ASIC2: variants seen among roughly 807,000 people sequenced by gnomAD.
ASIC2 encodes the protein acid sensing ion channel subunit 2, also known as acid-sensing ion channel 2.
In ASIC2, 25 loss-of-function variants were observed where a neutral mutation model predicts 57.3. That is an observed-to-expected ratio of 0.44 (90% CI 0.32 to 0.61). ASIC2 has a LOEUF of 0.61. Ranked by LOEUF, ASIC2 falls within the 20% of genes least tolerant of loss-of-function variation. The pLI is 0.06. For missense variants in ASIC2, 641 were observed against 738.1 expected (o/e 0.87, Z 1.52); for synonymous variants, 319 against 307.5 (o/e 1.04, Z -0.39).
intron 1 of ASIC2, among the ~76,000 whole-genome samples, chr17:33,225,383 G>A (rs1201895714): frequency 6.6e-6 from 1 of 152,198 alleles, no homozygotes; most frequent in East Asian, 1.9e-4. Context: ...GTAAAATGGG[G>A]ATGATAACAG....
intron 3 of ASIC2, among the ~76,000 whole-genome samples, chr17:33,064,600 C>T (rs1195934316): frequency 6.6e-6 from 1 of 152,194 alleles, no homozygotes; most frequent in Non-Finnish European, 1.5e-5. Context: ...TCAGTCTGCC[C>T]CTACTGGGGG....
At chr17:33,063,108 G>T (rs977450793) in intron 3 of ASIC2, among the ~76,000 whole-genome samples, 14 of 152,076 alleles carry the variant, frequency 9.2e-5, no homozygotes, top group South Asian at 2.1e-4. Flanking sequence ...GTCTTGACTC[G>T]TTATCCAATT....
chr17:33,595,228 A>G (rs1904945590), intron 1 of ASIC2, among the ~76,000 whole-genome samples: 1 of 152,194 alleles, frequency 6.6e-6, no homozygotes, highest in Non-Finnish European at 1.5e-5. Context: ...TTTGTCTCAA[A>G]AAAATGAAAA....
chr17:33,457,936 C>T (rs189709888), intron 1 of ASIC2, among the ~76,000 whole-genome samples: 5 of 152,334 alleles, frequency 3.3e-5, no homozygotes, highest in East Asian at 1.9e-4. Context: ...CCAGCTGCTA[C>T]ACTGCACTAC....
chr17:33,292,163 G>C lies in ASIC2; in HGVS notation c.-48C>G, dbSNP rs1317367956. On this transcript the variant is annotated 5_prime_UTR_variant, in exon 1 of 10. Transcript: ENST00000225823. ...CAGCGGCGGCGGCCCCGGCCGGGCG[G>C]AGCCGCCATGGGAGTCCGCAGCAGC... 1 of 1,022,120 alleles carries C rather than the reference G, an allele frequency of 9.8e-7. No individual in the cohort carries two copies. Among genetic ancestry groups the C allele is most frequent in the Non-Finnish European group, 1.2e-6 (1 of 856,122 alleles). 63.3% of individuals were successfully genotyped at this position (1,022,120 alleles called of 1,614,324 possible). A position where few individuals can be genotyped will look rare whatever the true frequency, so the allele number is the denominator to read the frequency against.
intron 1 of ASIC2, among the ~76,000 whole-genome samples, chr17:33,482,693 C>T (rs1913445009): frequency 6.6e-6 from 1 of 152,144 alleles, no homozygotes; most frequent in Non-Finnish European, 1.5e-5. Flanking sequence ...GGACTTGAAC[C>T]CAGGTCCTCT....
At chr17:33,385,643 C>T (rs560883708) in intron 1 of ASIC2, among the ~76,000 whole-genome samples, 1 of 152,212 alleles carries the variant, frequency 6.6e-6, no homozygotes, top group Admixed American at 6.5e-5. Flanking sequence ...ATTAGTTTTA[C>T]TTTTCTGATG....
At chr17:33,452,930 A>T (rs776568995) in intron 1 of ASIC2, among the ~76,000 whole-genome samples, 1 of 152,020 alleles carries the variant, frequency 6.6e-6, no homozygotes, top group Non-Finnish European at 1.5e-5. Flanking sequence ...ACTGCTCTAC[A>T]TGCCAGTATT....
chr17:33,084,835 G>T (rs889845007), intron 3 of ASIC2, among the ~76,000 whole-genome samples: 5 of 152,108 alleles, frequency 3.3e-5, no homozygotes, highest in Admixed American at 6.5e-5. Context: ...ACTTCTTAAG[G>T]TTGTCTAGGA....
chr17:33,459,282 T>C (rs1912557157), intron 1 of ASIC2, among the ~76,000 whole-genome samples: 1 of 152,050 alleles, frequency 6.6e-6, no homozygotes, highest in African/African-American at 2.4e-5. Flanking sequence ...TCTGGCCTGT[T>C]TGTCAGGCTG....
intron 1 of ASIC2, among the ~76,000 whole-genome samples, chr17:33,464,915 C>CTTT (rs930971711): frequency 6.6e-6 from 1 of 151,718 alleles, no homozygotes; most frequent in Admixed American, 6.6e-5. Context: ...CAACAAGGCA[C>CTTT]TTTTTTTTCT....
intron 1 of ASIC2, among the ~76,000 whole-genome samples, chr17:33,903,595 A>AGGGT (rs1397952142): frequency 6.6e-6 from 1 of 152,220 alleles, no homozygotes; most frequent in African/African-American, 2.4e-5. Context: ...TTAAACATGG[A>AGGGT]GGGTTTTTTG....
At chr17:33,038,727 C>T (rs2141915152) in intron 3 of ASIC2, among the ~76,000 whole-genome samples, 1 of 152,366 alleles carries the variant, frequency 6.6e-6, no homozygotes, top group South Asian at 2.1e-4. Context: ...CTTCTCTCAA[C>T]AGTCGCCTTC....
At chr17:33,057,190 C>T (rs531427433) in intron 3 of ASIC2, among the ~76,000 whole-genome samples, 1 of 152,272 alleles carries the variant, frequency 6.6e-6, no homozygotes, top group African/African-American at 2.4e-5. Flanking sequence ...TGAGAGAGTC[C>T]CATGCAGTTG....
At chr17:33,088,638 C>T (rs1169869527) in intron 3 of ASIC2, among the ~76,000 whole-genome samples, 3 of 152,080 alleles carry the variant, frequency 2.0e-5, no homozygotes, top group Non-Finnish European at 2.9e-5. Context: ...AAGAAAAAAC[C>T]CAACCAGTTT....
rs1180993335 is a variant in ASIC2 at position 33,543,029 on chromosome 17, C to T, written c.556-430962G>A. Among the ~76,000 whole-genome samples, 9 of 150,346 alleles carry T rather than the reference C, an allele frequency of 6.0e-5. No homozygotes were observed. The East Asian group carries it at 9.8e-4, about 16-fold the overall frequency. ...GAAACCATCATTCTCAGTAAACTAT[C>T]GCAAGAACAAAAAACCAAACACCGC... On this transcript the variant is annotated intron_variant, in intron 1 of 9. Transcript: ENST00000359872.
chr17:33,669,456 GTAGA>G (rs1907578981), intron 1 of ASIC2, among the ~76,000 whole-genome samples: 1 of 152,190 alleles, frequency 6.6e-6, no homozygotes, highest in Non-Finnish European at 1.5e-5. Flanking sequence ...AAGTAGGCAG[GTAGA>G]TAGACAGACA....
At chr17:33,723,839 A>C (rs2142085348) in intron 1 of ASIC2, among the ~76,000 whole-genome samples, 1 of 152,342 alleles carries the variant, frequency 6.6e-6, no homozygotes, top group South Asian at 2.1e-4. Flanking sequence ...AGTACACTTA[A>C]GATTCATGCA....
At chr17:33,957,692 T>G (rs1567768693) in intron 1 of ASIC2, among the ~76,000 whole-genome samples, 1 of 152,142 alleles carries the variant, frequency 6.6e-6, no homozygotes, top group African/African-American at 2.4e-5. Context: ...GGAGCTACAA[T>G]TCAAGATGAG....
Sources: gnomAD v4.1 joint callset for allele counts (sites outside exome capture counted in the v4.1 genomes callset) on GRCh38, gnomAD v4.1.1 for gene constraint, MANE v1.5 for transcripts, NCBI Gene and HGNC (gene_info 2026-07-23, HGNC 2026-07-21) for gene names.